LGALSL: variants seen among roughly 807,000 people sequenced by gnomAD.
LGALSL encodes the protein galectin like.
In LGALSL, 13 loss-of-function variants were observed where a neutral mutation model predicts 19.5. The observed-to-expected ratio is 0.67, with a 90% CI of 0.43 to 1.06. The LOEUF is 1.06. Ranked by LOEUF, LGALSL falls within the 50% of genes least tolerant of loss-of-function variation. The pLI, the probability that LGALSL is intolerant of heterozygous loss-of-function variation, is 0.00. For missense variants in LGALSL, 189 were observed against 219.3 expected (o/e 0.86, Z 0.87); for synonymous variants, 86 against 78.3 (o/e 1.10, Z -0.52).
At chr2:64,458,172 C>T in intron 4 of LGALSL, 113 bp from the exon 5 acceptor site, 1 of 987,580 alleles carries the variant, frequency 1.0e-6, no homozygotes, top group African/African-American at 1.6e-5. Flanking sequence ...TCAATGCATT[C>T]TGATGTTTGT....
At position 64,456,405 on chromosome 2, in the gene LGALSL, G is replaced by C; in HGVS notation, c.315G>C (p.Glu105Asp). 6.2e-7 allele frequency: 1 copy of C among 1,611,006 alleles called. No homozygotes were observed. The highest frequency in any genetic ancestry group is 8.5e-7 in the Non-Finnish European group (1 of 1,178,558). ...QLLRNSCISG[E>D]RGEEQSAIPY... is the part of the protein sequence containing the mutation. ...TCAGAAATTCTTGTATATCTGGGGA[G>C]AGGGGTGAAGAACAGTCAGCAATCC... Residue 105 changes from glutamate to aspartate, a missense_variant, in exon 4 of 5, where the codon GAG (glutamate) becomes GAC (aspartate). This residue lies in a region of LGALSL where 106 missense variants were observed against 119.3 expected (regional missense o/e 0.89). Coordinates refer to ENST00000238875, the MANE Select transcript of LGALSL (RefSeq NM_014181.3).
intron 4 of LGALSL, among the ~76,000 whole-genome samples, chr2:64,457,091 C>T (rs1686748093): frequency 6.6e-6 from 1 of 152,170 alleles, no homozygotes; most frequent in Non-Finnish European, 1.5e-5. Context: ...TCCAATCAAG[C>T]AGCATTAGCA....
In LGALSL at chr2:64,454,639, C is replaced by G; in HGVS notation, c.36+58C>G. The G allele has an allele frequency of 8.1e-7, 1 of 1,239,278 alleles. No homozygotes were observed. Among genetic ancestry groups the G allele is most frequent in the Non-Finnish European group, 1.0e-6 (1 of 969,404 alleles). The allele number at this position is 1,239,278 out of a possible 1,614,324, so 76.8% of individuals were successfully genotyped here. On this transcript the variant is annotated intron_variant, in intron 1 of 4. Coordinates refer to ENST00000238875, the MANE Select transcript of LGALSL (RefSeq NM_014181.3). The surrounding 1 kb of genome is among the most constrained non-coding windows in gnomAD (Gnocchi z 5.1). ...TCCCCGCCGTCCCGCACTCCGCCGCCGCCTGCTCCAGCAGTGCTGGGGTGC... is the reference window on the plus strand; with the variant it reads ...TCCCCGCCGTCCCGCACTCCGCCGCGGCCTGCTCCAGCAGTGCTGGGGTGC...
At chr2:64,457,116 GAA>G (rs1176810468) in intron 4 of LGALSL, among the ~76,000 whole-genome samples, 1 of 152,174 alleles carries the variant, frequency 6.6e-6, no homozygotes, top group Non-Finnish European at 1.5e-5. Flanking sequence ...CTTCCTCTAT[GAA>G]AGGCAATGCC....
intron 4 of LGALSL, among the ~76,000 whole-genome samples, chr2:64,457,639 C>A (rs1399392033): frequency 6.6e-6 from 1 of 152,198 alleles, no homozygotes; most frequent in Non-Finnish European, 1.5e-5. Context: ...GTAATTCTTT[C>A]ACTTCTCTTC....
intron 1 of LGALSL, 21 bp from the exon 2 acceptor site, chr2:64,455,323 T>A (rs774589110): frequency 3.2e-6 from 5 of 1,577,508 alleles, no homozygotes; most frequent in Non-Finnish European, 8.7e-7. Context: ...GGAAAGCCAA[T>A]CTGTGTACTT....
chr2:64,454,600 G>C lies in LGALSL; in HGVS notation c.36+19G>C. On this transcript the variant is annotated intron_variant, in intron 1 of 4. Transcript: ENST00000238875. This position sits in a 1 kb window ranked among gnomAD's most constrained non-coding sequence, Gnocchi z 5.1. ...CGTGGTGGTGAGTGTGGCAGGGCGC[G>C]CGCGAGGCGCCCCTCCCCGCCGTCC... The C allele has an allele frequency of 7.1e-7, 1 of 1,399,830 alleles. No homozygotes were observed. 86.7% of individuals were successfully genotyped at this position (1,399,830 alleles called of 1,614,324 possible).
chr2:64,454,908 C>T lies in LGALSL; in HGVS notation c.36+327C>T, dbSNP rs886964306. Among the ~76,000 whole-genome samples, 125 of 152,214 alleles carry T rather than the reference C, an allele frequency of 8.2e-4. No individual in the cohort carries two copies. The highest frequency in any genetic ancestry group is 3.0e-3 in the African/African-American group (125 of 41,570). On this transcript the variant is annotated intron_variant, in intron 1 of 4. Coordinates refer to ENST00000238875, the MANE Select transcript of LGALSL (RefSeq NM_014181.3). This position sits in a 1 kb window ranked among gnomAD's most constrained non-coding sequence, Gnocchi z 5.1. ...GTGTCCGGGGCGCGCGCCCCGCCAC[C>T]GCCCCCGACGTACCGGGGATTCCCC...
rs773243574 is a variant in LGALSL at position 64,455,334 on chromosome 2, C to A, written c.37-10C>A. 5 of 1,605,292 alleles carry A rather than the reference C, an allele frequency of 3.1e-6. No homozygotes were observed. The highest frequency in any genetic ancestry group is 4.3e-6 in the Non-Finnish European group (5 of 1,171,990). ...CCATGGAAAGCCAATCTGTGTACTT[C>A]TATTTTTAGAAACTAGATGATGGCC... On this transcript the variant is annotated splice_polypyrimidine_tract_variant and intron_variant, in intron 1 of 4. Coordinates refer to ENST00000238875, the MANE Select transcript of LGALSL (RefSeq NM_014181.3).
At chr2:64,456,255 A>G (rs1358672607) in intron 3 of LGALSL, 33 bp from the exon 4 acceptor site, 2 of 1,589,138 alleles carry the variant, frequency 1.3e-6, no homozygotes, top group East Asian at 4.5e-5. Flanking sequence ...TTTTATATCC[A>G]ACCCTTAATC....
rs746098143 is a variant in LGALSL at position 64,458,698 on chromosome 2, A to T, written c.*270A>T. ...ATGATTTGTGATTTGGTAGCAAATT[A>T]TTCATCTTTTCAAAGCAAGGCAATG... On this transcript the variant is annotated 3_prime_UTR_variant, in exon 5 of 5. Transcript: ENST00000238875. 2.2e-5 allele frequency: 7 copies of T among 322,162 alleles called. No individual in the cohort carries two copies. Among genetic ancestry groups the T allele is most frequent in the Non-Finnish European group, 3.4e-5 (6 of 176,956 alleles). The allele number at this position is 322,162 out of a possible 1,614,324, so 20.0% of individuals were successfully genotyped here. A position where few individuals can be genotyped will look rare whatever the true frequency, so the allele number is the denominator to read the frequency against.
intron 3 of LGALSL, 105 bp downstream of exon 3, chr2:64,455,782 G>T (rs1217841596): frequency 8.5e-6 from 7 of 825,612 alleles, no homozygotes; most frequent in Non-Finnish European, 1.4e-5. Context: ...GGACAGTGTT[G>T]CTAGTTGCCA....
chr2:64,456,181 C>T, intron 3 of LGALSL, 107 bp from the exon 4 acceptor site: 1 of 994,514 alleles, frequency 1.0e-6, no homozygotes, highest in Middle Eastern at 2.2e-4. Context: ...GTAGTGGCCT[C>T]TTAAAAATGG....
intron 4 of LGALSL, among the ~76,000 whole-genome samples, chr2:64,457,883 G>A (rs1686761351): frequency 6.6e-6 from 1 of 152,118 alleles, no homozygotes; most frequent in African/African-American, 2.4e-5. Context: ...ACTGCCAGGA[G>A]GAATATAATG....
chr2:64,456,876 TATG>T (rs1012687783), intron 4 of LGALSL, among the ~76,000 whole-genome samples: 1 of 152,240 alleles, frequency 6.6e-6, no homozygotes, highest in African/African-American at 2.4e-5. Flanking sequence ...TTTTAAAGAA[TATG>T]ATGATGATCA....
Position 64,458,491 on chromosome 2 carries a change from G to A in LGALSL, c.*63G>A. On this transcript the variant is annotated 3_prime_UTR_variant, in exon 5 of 5. Transcript: ENST00000238875. ...CAACTATCTGACTGTTGGTCTGGAA[G>A]AAGTGTCCTAGCAAGATCTGGAGAC... is the stretch of plus-strand genomic sequence containing the variant. 1 of 1,498,262 alleles carries A rather than the reference G, an allele frequency of 6.7e-7. No homozygotes were observed. Among genetic ancestry groups the A allele is most frequent in the South Asian group, 1.2e-5 (1 of 83,602 alleles). 92.8% of individuals were successfully genotyped at this position (1,498,262 alleles called of 1,614,324 possible). A position where few individuals can be genotyped will look rare whatever the true frequency, so the allele number is the denominator to read the frequency against.
In LGALSL at chr2:64,454,466, GC is replaced by G; in HGVS notation, c.-75del. 6.5e-6 allele frequency: 4 copies of G among 613,124 alleles called. No individual in the cohort carries two copies. Among genetic ancestry groups the G allele is most frequent in the Non-Finnish European group, 8.7e-6 (4 of 457,408 alleles). 38.0% of individuals were successfully genotyped at this position (613,124 alleles called of 1,614,324 possible). ...GCCGCCAGCTCGGACCCGCGCCCCC[GC>G]CCCCGCCCCGCGCAGGACAGCCCCG... On this transcript the variant is annotated 5_prime_UTR_variant, in exon 1 of 5. Coordinates refer to ENST00000238875, the MANE Select transcript of LGALSL (RefSeq NM_014181.3). This position sits in a 1 kb window ranked among gnomAD's most constrained non-coding sequence, Gnocchi z 5.1.
At position 64,454,786 on chromosome 2, in the gene LGALSL, G is replaced by A. The variant is rs553929097; in HGVS notation, c.36+205G>A. Among the ~76,000 whole-genome samples, 5 of 152,164 alleles carry A rather than the reference G, an allele frequency of 3.3e-5. No individual in the cohort carries two copies. Among genetic ancestry groups the A allele is most frequent in the East Asian group, 3.9e-4 (2 of 5,136 alleles). The stretch of plus-strand genomic sequence containing the variant: ...AGAGGCTCCCGGGCTGCGGGGCTCT[G>A]GGCTGGGGAGGGAGTTTGGGGAGGA... On this transcript the variant is annotated intron_variant, in intron 1 of 4. Transcript: ENST00000238875. This position sits in a 1 kb window ranked among gnomAD's most constrained non-coding sequence, Gnocchi z 5.1.
intron 1 of LGALSL, 26 bp from the exon 2 acceptor site, chr2:64,455,318 G>A (rs547207359): frequency 1.9e-6 from 3 of 1,553,616 alleles, no homozygotes; most frequent in Non-Finnish European, 1.8e-6. Flanking sequence ...CCCATGGAAA[G>A]CCAATCTGTG....
Sources: gnomAD v4.1 joint callset for allele counts (sites outside exome capture counted in the v4.1 genomes callset) on GRCh38, gnomAD v4.1.1 for gene constraint, gnomAD v4.1.1 regional missense constraint, Gnocchi (gnomAD v3.1) non-coding constraint, MANE v1.5 for transcripts, NCBI Gene and HGNC (gene_info 2026-07-23, HGNC 2026-07-21) for gene names.